Variants in HEATR4 observed in about 807,000 individuals in gnomAD.
The protein encoded by HEATR4 is HEAT repeat containing 4.
HEATR4 carries 95 observed loss-of-function variants against 108.8 expected under a neutral mutation model. The observed-to-expected ratio is 0.87, with a 90% confidence interval of 0.74 to 1.04. The LOEUF (loss-of-function observed/expected upper bound fraction) is 1.04. Among genes scored for constraint, HEATR4 ranks in the 50% least tolerant of loss-of-function variants. HEATR4 has a pLI of 0.00. For missense variants in HEATR4, 1,152 were observed against 1,253.8 expected (o/e 0.92, Z 1.23); for synonymous variants, 443 against 459.4 (o/e 0.96, Z 0.46).
the HEATR4 span, among the ~76,000 whole-genome samples, chr14:73,606,710 C>CA: frequency 6.6e-6 from 1 of 152,122 alleles, no homozygotes; most frequent in East Asian, 1.9e-4. Flanking sequence ...AGAGAATCAA[C>CA]AAATGGTAAA....
chr14:73,569,794 C>T, the HEATR4 span: 12,642 of 1,569,906 alleles, frequency 8.1e-3, 653 homozygotes, highest in South Asian at 8.8e-3. Context: ...CTGTGCCAGA[C>T]GCGGCACGAG....
intron 17 of HEATR4, chr14:73,480,890 G>A (rs1403982332): frequency 6.6e-6 from 1 of 152,102 alleles, no homozygotes; most frequent in Non-Finnish European, 1.5e-5. Context: ...GGTGGCATGT[G>A]CCTGTATTTC....
At chr14:73,524,310 A>AAT (rs58047390) in intron 2 of HEATR4, among the ~76,000 whole-genome samples, 763 of 54,654 alleles carry the variant, frequency 0.014, 36 homozygotes, top group African/African-American at 0.029. Flanking sequence ...AAAAAAAAAA[A>AAT]ATATATATAT....
At chr14:73,529,330 G>A (rs1888556736) in intron 2 of HEATR4, 1 of 145,424 alleles carries the variant, frequency 6.9e-6, no homozygotes, top group South Asian at 2.2e-4. Flanking sequence ...ACTCCAGCCT[G>A]GGCAACAGAG....
In HEATR4 at chr14:73,541,605, C is replaced by T. The variant is rs17113939; in HGVS notation, c.-151-11361G>A. 6.2e-3 allele frequency: 7,598 copies of T among 1,235,296 alleles called. 1,701 individuals carry two copies. In the African/African-American group the frequency reaches 0.11, roughly 18 times the overall value. 76.5% of individuals were successfully genotyped at this position (1,235,296 alleles called of 1,614,324 possible). On this transcript the variant is annotated intron_variant, in intron 1 of 17. Coordinates refer to ENST00000553558, the MANE Select transcript of HEATR4 (RefSeq NM_001220484.1). Reference sequence around the variant, plus strand: ...GTTTTGCTGTGATGGCTCTGGCTTACTATAACTATGAAGACCTCCCCAAGA... The same window carrying T: ...GTTTTGCTGTGATGGCTCTGGCTTATTATAACTATGAAGACCTCCCCAAGA...
At chr14:73,503,386 C>T (rs955738571) in intron 10 of HEATR4, among the ~76,000 whole-genome samples, 1 of 152,186 alleles carries the variant, frequency 6.6e-6, no homozygotes, top group African/African-American at 2.4e-5. Context: ...TGCAGTTTGC[C>T]TGGGACTCTC....
rs1366882631 is a variant in HEATR4, at chr14:73,522,467, G to A, written c.686C>T (p.Ser229Phe). The part of the protein sequence containing the change: ...QSKRPRRPGA[S>F]PNKWQSFLRQ... ...CAGGAAGCTCTGCCACTTGTTGGGG[G>A]ATGCCCCAGGCCTTCGAGGACGCTT... Residue 229 changes from serine to phenylalanine, a missense_variant, in exon 3 of 18, where the codon TCC becomes TTC. Coordinates refer to ENST00000553558, the MANE Select transcript of HEATR4 (RefSeq NM_001220484.1). The A allele has an allele frequency of 7.4e-6, 12 of 1,614,212 alleles. No individual in the cohort carries two copies. The highest frequency in any genetic ancestry group is 9.3e-6 in the Non-Finnish European group (11 of 1,180,034).
At chr14:73,593,336 CTTTTTTTT>C in the HEATR4 span, among the ~76,000 whole-genome samples, 5 of 104,870 alleles carry the variant, frequency 4.8e-5, no homozygotes, top group Non-Finnish European at 9.0e-5. Context: ...TTCTTTCTTT[CTTTTTTTT>C]TTTTTTTTTT....
At chr14:73,596,533 C>T in the HEATR4 span, 2 of 152,132 alleles carry the variant, frequency 1.3e-5, no homozygotes, top group Non-Finnish European at 2.9e-5. Context: ...GAAAATCGTA[C>T]TGTGGTAACC....
chr14:73,527,644 G>A (rs1888417224), intron 2 of HEATR4, among the ~76,000 whole-genome samples: 1 of 151,904 alleles, frequency 6.6e-6, no homozygotes, highest in South Asian at 2.1e-4. Context: ...TGGTCAAGCA[G>A]AAGAAAGAAT....
the HEATR4 span, chr14:73,596,290 T>G: frequency 6.6e-6 from 1 of 152,198 alleles, no homozygotes; most frequent in African/African-American, 2.4e-5. Flanking sequence ...GGCATATTGC[T>G]TGAGCTCAGG....
the HEATR4 span, among the ~76,000 whole-genome samples, chr14:73,608,486 T>C: frequency 6.6e-6 from 1 of 152,224 alleles, no homozygotes. Context: ...TCATTGTTCA[T>C]ATCACTATCA....
At position 73,512,138 on chromosome 14, in the gene HEATR4, GC is replaced by G; in HGVS notation, c.1425del (p.Trp475CysfsTer6). ...WKTAWALIIE[W>X]HHETVENLLQ... is the part of the protein sequence containing the mutation. Reference sequence around the variant, plus strand: ...AGCAGGTTCTCTACTGTCTCATGGTGCCACTCTATGACTGAGCCGCAGTGAG... The same window carrying G: ...AGCAGGTTCTCTACTGTCTCATGGTGCACTCTATGACTGAGCCGCAGTGAG... On this transcript the variant is annotated frameshift_variant, in exon 7 of 18. Coordinates refer to ENST00000553558, the MANE Select transcript of HEATR4 (RefSeq NM_001220484.1). LOFTEE classifies it high-confidence loss of function. 1.2e-6 allele frequency: 2 copies of G among 1,614,150 alleles called. No homozygotes were observed. The highest frequency in any genetic ancestry group is 1.7e-6 in the Non-Finnish European group (2 of 1,180,006).
At chr14:73,580,619 C>T in the HEATR4 span, 1 of 151,626 alleles carries the variant, frequency 6.6e-6, no homozygotes, top group Non-Finnish European at 1.5e-5. Context: ...GCTCCACTGG[C>T]TTGTTTTGAA....
At chr14:73,563,333 G>A (rs752681291), upstream of HEATR4, among the ~76,000 whole-genome samples, 82 of 152,172 alleles carry the variant, frequency 5.4e-4, 3 homozygotes, top group Admixed American at 5.2e-4. Context: ...AGTGGCTCAC[G>A]CCTATAATCC....
chr14:73,565,301 T>C, the HEATR4 span, among the ~76,000 whole-genome samples: 1 of 152,092 alleles, frequency 6.6e-6, no homozygotes, highest in Non-Finnish European at 1.5e-5. Flanking sequence ...TTCAACATCA[T>C]GTGAGAGACA....
the HEATR4 span, among the ~76,000 whole-genome samples, chr14:73,628,248 T>TCCTAACA: frequency 1.3e-5 from 2 of 152,226 alleles, no homozygotes; most frequent in Non-Finnish European, 2.9e-5. Flanking sequence ...AGGAGTTGTA[T>TCCTAACA]GTCACAAAAC....
chr14:73,484,833 G>GAC (rs529857941), intron 17 of HEATR4, among the ~76,000 whole-genome samples: 2,087 of 141,584 alleles, frequency 0.015, 35 homozygotes, highest in Middle Eastern at 0.042. Context: ...CACACACACA[G>GAC]ACACACACAC....
chr14:73,564,263 A>G, the HEATR4 span, among the ~76,000 whole-genome samples: 1 of 150,656 alleles, frequency 6.6e-6, no homozygotes, highest in African/African-American at 2.4e-5. Flanking sequence ...AGACCACTGC[A>G]CTCCAGCCTG....
Sources: allele counts gnomAD v4.1 joint callset (sites outside exome capture counted in the v4.1 genomes callset), GRCh38; gene constraint gnomAD v4.1.1; transcripts MANE v1.5; gene names NCBI Gene and HGNC (gene_info 2026-07-23, HGNC 2026-07-21).